The following PCDHA3 variants were observed in gnomAD, a reference collection of about 807,000 sequenced individuals.
The protein encoded by PCDHA3 is protocadherin alpha 3.
In PCDHA3, 41 loss-of-function variants were observed where a neutral mutation model predicts 62.2. That is an observed-to-expected ratio of 0.66 (90% CI 0.51 to 0.86). The LOEUF (loss-of-function observed/expected upper bound fraction) is 0.86, where lower values mean the gene tolerates loss of function less well. PCDHA3 is among the 40% of genes least tolerant of loss of function. The probability of loss-of-function intolerance (pLI) is 0.00; values close to 1 mark genes in which losing one functional copy is unlikely to be tolerated. For synonymous variants in PCDHA3, 640 were observed against 555.4 expected, an observed-to-expected ratio of 1.15 and a Z score of -2.14; for missense variants, 1,304 against 1,241.2, an observed-to-expected ratio of 1.05 and a Z score of -0.76.
chr5:140,864,333 AGT>A (rs1554158793), intron 1 of PCDHA3: 2 of 152,182 alleles, frequency 1.3e-5, no homozygotes, highest in African/African-American at 4.8e-5. Flanking sequence ...TAATTATTTG[AGT>A]TTAAAACATG....
chr5:140,888,583 G>C (rs2061886743), intron 1 of PCDHA3, among the ~76,000 whole-genome samples: 1 of 152,184 alleles, frequency 6.6e-6, no homozygotes, highest in African/African-American at 2.4e-5. Flanking sequence ...AGATTTGTTA[G>C]TACACATTCA....
intron 1 of PCDHA3, chr5:140,852,024 C>T (rs1554145640): frequency 4.2e-6 from 4 of 949,416 alleles, no homozygotes; most frequent in East Asian, 1.1e-4. Flanking sequence ...TTAAAAACTT[C>T]GCTTATTGAG....
intron 1 of PCDHA3, among the ~76,000 whole-genome samples, chr5:140,818,082 C>T (rs1766276526): frequency 6.6e-6 from 1 of 152,132 alleles, no homozygotes. Context: ...TTCAAAGCTT[C>T]TTATATCTGT....
At chr5:140,984,942 A>C (rs1263555467) in intron 3 of PCDHA3, among the ~76,000 whole-genome samples, 1 of 151,954 alleles carries the variant, frequency 6.6e-6, no homozygotes, top group Admixed American at 6.6e-5. Context: ...ATAAATGTCT[A>C]ATCTTTTTTT....
Position 140,903,378 on chromosome 5 carries a change from G to T in PCDHA3, c.2395-75571G>T, listed in dbSNP as rs938741904. Among the ~76,000 whole-genome samples, 3 of 152,196 alleles carry T rather than the reference G, an allele frequency of 2.0e-5. No homozygotes were observed. In the South Asian group the frequency reaches 6.2e-4, roughly 32 times the overall value. On this transcript the variant is annotated intron_variant, in intron 1 of 3. Coordinates refer to ENST00000522353, the MANE Select transcript of PCDHA3 (RefSeq NM_018906.3). Reference sequence around the variant, plus strand: ...GTTTTTCAAAAATATAGGGAGGATTGTGGTTACTTCTAGAAACAGTAGTGC... The same window carrying T: ...GTTTTTCAAAAATATAGGGAGGATTTTGGTTACTTCTAGAAACAGTAGTGC...
intron 1 of PCDHA3, among the ~76,000 whole-genome samples, chr5:140,915,068 ACTGAGTAG>A (rs2076964271): frequency 1.3e-5 from 2 of 150,322 alleles, no homozygotes; most frequent in South Asian, 4.2e-4. Context: ...GCCTTAGCCT[ACTGAGTAG>A]CTGGGACTAT....
At chr5:140,871,224 C>G (rs1554165289) in intron 1 of PCDHA3, 3 of 1,613,902 alleles carry the variant, frequency 1.9e-6, no homozygotes. Context: ...GCGTGGTGTC[C>G]AGCCTCCTGG....
chr5:140,955,220 A>T (rs1016918569), intron 1 of PCDHA3, among the ~76,000 whole-genome samples: 1 of 152,130 alleles, frequency 6.6e-6, no homozygotes, highest in Non-Finnish European at 1.5e-5. Flanking sequence ...TGATGCCTCC[A>T]GCTTTGTTCT....
chr5:140,876,743 T>G, intron 1 of PCDHA3: 5 of 1,614,200 alleles, frequency 3.1e-6, no homozygotes, highest in Non-Finnish European at 4.2e-6. Flanking sequence ...TATGAGCTGG[T>G]GGTGACTGCG....
At chr5:140,867,423 A>G (rs1399312852) in intron 1 of PCDHA3, 14 of 152,182 alleles carry the variant, frequency 9.2e-5, no homozygotes, top group African/African-American at 3.4e-4. Flanking sequence ...TTTTTAATAC[A>G]GAATTTTGCA....
intron 1 of PCDHA3, chr5:140,852,478 A>G: frequency 5.0e-6 from 1 of 199,118 alleles, no homozygotes. Flanking sequence ...GGGTTTCATC[A>G]TGTTGGCCAG....
chr5:140,849,263 T>C, intron 1 of PCDHA3: 3 of 1,126,864 alleles, frequency 2.7e-6, no homozygotes, highest in African/African-American at 1.9e-5. Context: ...AAAACGTTTC[T>C]ATCGGAACGC....
chr5:140,856,672 G>A (rs1356609367), intron 1 of PCDHA3: 2 of 1,597,818 alleles, frequency 1.3e-6, no homozygotes, highest in East Asian at 4.5e-5. Flanking sequence ...CTCAGCTAAA[G>A]TTGTTGTTGA....
At chr5:140,849,515 T>A (rs1400528164) in intron 1 of PCDHA3, 1 of 1,596,878 alleles carries the variant, frequency 6.3e-7, no homozygotes, top group Non-Finnish European at 8.6e-7. Flanking sequence ...TTGTGGAAGT[T>A]GTGGATGTAA....
intron 1 of PCDHA3, chr5:140,967,530 C>T: frequency 6.2e-7 from 1 of 1,613,178 alleles, no homozygotes; most frequent in Non-Finnish European, 8.5e-7. Flanking sequence ...GACAACTCTC[C>T]TGCCTTTGAC....
chr5:140,831,520 C>CTTT (rs2150195630), intron 1 of PCDHA3, among the ~76,000 whole-genome samples: 4 of 122,404 alleles, frequency 3.3e-5, no homozygotes, highest in Non-Finnish European at 6.6e-5. Context: ...TGCCCCCCAC[C>CTTT]TTTTTTTTTT....
At chr5:140,927,816 A>G in intron 1 of PCDHA3, 2 of 1,614,198 alleles carry the variant, frequency 1.2e-6, no homozygotes, top group Non-Finnish European at 1.7e-6. Flanking sequence ...TCTTGGAGGC[A>G]TACATTGAGG....
intron 1 of PCDHA3, among the ~76,000 whole-genome samples, chr5:140,973,232 G>GA (rs2096577680): frequency 6.6e-6 from 1 of 152,196 alleles, no homozygotes; most frequent in African/African-American, 2.4e-5. Flanking sequence ...ATAGTGACCT[G>GA]AAAGAGTTAA....
rs149543626 is a variant in PCDHA3, at chr5:140,801,412, G to C, written c.215G>C (p.Gly72Ala). ...RLFRVASKRHGDLLEVNLQNG... is the reference protein window; with the variant it reads ...RLFRVASKRHADLLEVNLQNG... The stretch of plus-strand genomic sequence containing the variant: ...TTCCGGGTGGCGTCCAAAAGACACG[G>C]GGACCTTCTGGAGGTAAATCTGCAG... The change falls in exon 1 of 4, where the codon GGG becomes GCG. Residue 72 changes from glycine to alanine, a missense_variant. Transcript: ENST00000522353. 1.2e-6 allele frequency: 2 copies of C among 1,613,684 alleles called. No homozygotes were observed. Among genetic ancestry groups the C allele is most frequent in the Non-Finnish European group, 1.7e-6 (2 of 1,180,036 alleles).
Sources: gnomAD v4.1 joint callset for allele counts (sites outside exome capture counted in the v4.1 genomes callset) on GRCh38, gnomAD v4.1.1 for gene constraint, MANE v1.5 for transcripts, NCBI Gene and HGNC (gene_info 2026-07-23, HGNC 2026-07-21) for gene names.